JDP2: variants seen among roughly 807,000 people sequenced by gnomAD.
The protein encoded by JDP2 is Jun dimerization protein 2, also known as progesterone receptor co-activator.
A neutral mutation model predicts 17.1 loss-of-function variants in JDP2; 9 were observed. The ratio of observed to expected loss-of-function variants is 0.53; its 90% CI spans 0.32 to 0.92. The LOEUF (loss-of-function observed/expected upper bound fraction) is 0.92, where lower values mean the gene tolerates loss of function less well. Among genes scored for constraint, JDP2 ranks in the 40% least tolerant of loss-of-function variants. The pLI is 0.04. For missense variants in JDP2, 179 were observed against 220.0 expected, an observed-to-expected ratio of 0.81 and a Z score of 1.18; for synonymous variants, 107 against 95.6, an observed-to-expected ratio of 1.12 and a Z score of -0.69.
Position 75,471,957 on chromosome 14 carries a change from C to A in JDP2, c.*2482C>A, listed in dbSNP as rs1594983969. 2 of 152,246 alleles carry A rather than the reference C, an allele frequency of 1.3e-5. No individual in the cohort carries two copies. The highest frequency in any genetic ancestry group is 6.5e-5 in the Admixed American group (1 of 15,278). 9.4% of individuals were successfully genotyped at this position (152,246 alleles called of 1,614,324 possible). On this transcript the variant is annotated 3_prime_UTR_variant, in exon 4 of 4. Transcript: ENST00000651602. ...GACTGCCGTGTGCCACTGGCTGTGG[C>A]TTCCCTGGTCCTGTGCTTGGCCACC...
intron 2 of JDP2, among the ~76,000 whole-genome samples, chr14:75,438,962 C>G (rs73301618): frequency 0.099 from 14,995 of 152,220 alleles, 2,559 homozygotes; most frequent in African/African-American, 0.34. Context: ...GTAGCTGCCC[C>G]CTGGAAAGGA....
At chr14:75,462,005 C>A (rs951550998) in intron 3 of JDP2, among the ~76,000 whole-genome samples, 2 of 152,224 alleles carry the variant, frequency 1.3e-5, no homozygotes, top group Admixed American at 1.3e-4. Flanking sequence ...TCTTATCCAG[C>A]CCTGCATGCC....
At chr14:75,440,875 A>G (rs1566737875) in intron 2 of JDP2, among the ~76,000 whole-genome samples, 1 of 152,234 alleles carries the variant, frequency 6.6e-6, no homozygotes, top group Non-Finnish European at 1.5e-5. Context: ...GAGGTCAACA[A>G]GGCTGAGGGA....
intron 3 of JDP2, among the ~76,000 whole-genome samples, chr14:75,464,442 C>T (rs1341339228): frequency 6.6e-6 from 1 of 152,136 alleles, no homozygotes; most frequent in Non-Finnish European, 1.5e-5. Flanking sequence ...CTAAACAATG[C>T]AGCATAGCAG....
In JDP2 at chr14:75,455,623, T is replaced by C. The variant is rs556910347; in HGVS notation, c.202-5803T>C. On this transcript the variant is annotated intron_variant, in intron 2 of 3. Coordinates refer to ENST00000651602, the MANE Select transcript of JDP2 (RefSeq NM_001135048.2). The stretch of plus-strand genomic sequence containing the variant: ...CTGATCCCTCCCTGCTGGGCACCCA[T>C]TGGGCAGTGGTGTGTTCCTCTACCA... Among the ~76,000 whole-genome samples the C allele has an allele frequency of 2.2e-4, 33 of 152,264 alleles. No individual in the cohort carries two copies. The South Asian group carries it at 5.4e-3, about 25-fold the overall frequency.
At chr14:75,433,958 G>A (rs1884940686) in intron 1 of JDP2, among the ~76,000 whole-genome samples, 1 of 152,082 alleles carries the variant, frequency 6.6e-6, no homozygotes. Context: ...GCCCTGAAGG[G>A]AAAAAACTCT....
intron 1 of JDP2, among the ~76,000 whole-genome samples, chr14:75,429,762 T>G (rs1255590098): frequency 6.6e-6 from 1 of 152,204 alleles, no homozygotes; most frequent in Non-Finnish European, 1.5e-5. Context: ...TTGCCTTGTT[T>G]AGAGCAGGGA....
chr14:75,432,405 C>G (rs919543456), intron 1 of JDP2: 1 of 1,431,558 alleles, frequency 7.0e-7, no homozygotes, highest in African/African-American at 1.4e-5. Flanking sequence ...CCCTCCGCAT[C>G]CGGTTCTGTC....
chr14:75,432,536 T>C (rs2140033801), intron 1 of JDP2, among the ~76,000 whole-genome samples: 1 of 152,332 alleles, frequency 6.6e-6, no homozygotes, highest in East Asian at 1.9e-4. Flanking sequence ...GGCTTGCCCC[T>C]GTAAACTCCC....
rs1886354576 is a variant in JDP2 at position 75,461,674 on chromosome 14, T to G, written c.306+144T>G. On this transcript the variant is annotated intron_variant, in intron 3 of 3. Coordinates refer to ENST00000651602, the MANE Select transcript of JDP2 (RefSeq NM_001135048.2). ...AAGCAGCCTTGGCCCCTCTGCTCTT[T>G]CCTACCTCCTGTTTCCTCCCCAATC... is the stretch of plus-strand genomic sequence containing the variant. The G allele has an allele frequency of 6.1e-6, 4 of 653,236 alleles. No homozygotes were observed. In the South Asian group the frequency reaches 7.3e-5, roughly 12 times the overall value. 40.5% of individuals were successfully genotyped at this position (653,236 alleles called of 1,614,324 possible).
At chr14:75,451,347 T>G (rs1282368279) in intron 2 of JDP2, among the ~76,000 whole-genome samples, 1 of 151,652 alleles carries the variant, frequency 6.6e-6, no homozygotes, top group Non-Finnish European at 1.5e-5. Context: ...TGACGAAGAT[T>G]TAAAATCTAG....
intron 2 of JDP2, among the ~76,000 whole-genome samples, chr14:75,460,341 A>T (rs1886298482): frequency 6.6e-6 from 1 of 152,176 alleles, no homozygotes; most frequent in Non-Finnish European, 1.5e-5. Flanking sequence ...TTAAAGCCAG[A>T]TGAGGAGGCT....
rs772168795 is a variant in JDP2, at chr14:75,469,403, C to T, written c.420C>T (p.Ile140=). ...LMLNRHRPTC[I]VRTDSVKTPE... ...TGAACCGACACCGCCCCACCTGCATCGTCCGGACCGACAGTGTCAAGACCC... is the reference window on the plus strand; with the variant it reads ...TGAACCGACACCGCCCCACCTGCATTGTCCGGACCGACAGTGTCAAGACCC... The change falls in exon 4 of 4, where the codon ATC becomes ATT. Residue 140 remains isoleucine (I), a synonymous_variant. Coordinates refer to ENST00000651602, the MANE Select transcript of JDP2 (RefSeq NM_001135048.2). The T allele has an allele frequency of 2.3e-5, 37 of 1,614,038 alleles. No homozygotes were observed. The highest frequency in any genetic ancestry group is 2.8e-5 in the Non-Finnish European group (33 of 1,180,044).
At position 75,428,292 on chromosome 14, in the gene JDP2, G is replaced by A. The variant is rs1884623999; in HGVS notation, c.-24+40G>A. 1 of 147,042 alleles carries A rather than the reference G, an allele frequency of 6.8e-6. No individual in the cohort carries two copies. Among genetic ancestry groups the A allele is most frequent in the Non-Finnish European group, 1.5e-5 (1 of 66,000 alleles). The allele number at this position is 147,042 out of a possible 1,614,324, so 9.1% of individuals were successfully genotyped here. ...GCGCGCTGGGGGCGCCGGGACGGGC[G>A]GGGCGGGGCAGGGCGCGGCGCGGGC... On this transcript the variant is annotated intron_variant, in intron 1 of 3. Coordinates refer to ENST00000651602, the MANE Select transcript of JDP2 (RefSeq NM_001135048.2). The surrounding 1 kb of genome is among the most constrained non-coding windows in gnomAD (Gnocchi z 5.6).
Position 75,465,728 on chromosome 14 carries a change from C to T in JDP2, c.307-3562C>T, listed in dbSNP as rs150779591. On this transcript the variant is annotated intron_variant, in intron 3 of 3. Coordinates refer to ENST00000651602, the MANE Select transcript of JDP2 (RefSeq NM_001135048.2). The stretch of plus-strand genomic sequence containing the variant: ...AGAGAGGAAGTGACGTGGCCAAGTT[C>T]ACACAGCCAGGATTAAAAGCCAGGA... Among the ~76,000 whole-genome samples the T allele has an allele frequency of 2.0e-4, 31 of 152,348 alleles. No individual in the cohort carries two copies. The East Asian group carries it at 6.0e-3, about 29-fold the overall frequency.
chr14:75,438,151 C>T (rs776973169), intron 2 of JDP2, 30 bp downstream of exon 2: 4 of 1,537,280 alleles, frequency 2.6e-6, no homozygotes, highest in South Asian at 2.4e-5. Context: ...CTGGCAGATT[C>T]CAGGTCTGGC....
intron 2 of JDP2, among the ~76,000 whole-genome samples, chr14:75,443,773 C>T (rs1216622021): frequency 2.6e-5 from 4 of 152,106 alleles, no homozygotes; most frequent in Admixed American, 1.3e-4. Flanking sequence ...GTGGTGAGGA[C>T]GTGGCTGGAT....
rs949167712 is a variant in JDP2 at position 75,471,180 on chromosome 14, G to A, written c.*1705G>A. 7 of 152,230 alleles carry A rather than the reference G, an allele frequency of 4.6e-5. No homozygotes were observed. Among genetic ancestry groups the A allele is most frequent in the Non-Finnish European group, 1.0e-4 (7 of 68,062 alleles). 9.4% of individuals were successfully genotyped at this position (152,230 alleles called of 1,614,324 possible). On this transcript the variant is annotated 3_prime_UTR_variant, in exon 4 of 4. Coordinates refer to ENST00000651602, the MANE Select transcript of JDP2 (RefSeq NM_001135048.2). ...TCTGGGAAGGCTGGATAGAGTTCCAGGTTGTCCCATGATCACAGAGTGAAC... is the reference window on the plus strand; with the variant it reads ...TCTGGGAAGGCTGGATAGAGTTCCAAGTTGTCCCATGATCACAGAGTGAAC...
intron 2 of JDP2, among the ~76,000 whole-genome samples, chr14:75,441,896 G>A (rs909219): frequency 0.53 from 80,046 of 151,964 alleles, 22,257 homozygotes; most frequent in African/African-American, 0.72. Flanking sequence ...GGCTGTGGTG[G>A]TCACACCCTG....
Sources: allele counts gnomAD v4.1 joint callset (sites outside exome capture counted in the v4.1 genomes callset), GRCh38; gene constraint gnomAD v4.1.1; non-coding constraint Gnocchi (gnomAD v3.1); transcripts MANE v1.5; gene names NCBI Gene and HGNC (gene_info 2026-07-23, HGNC 2026-07-21).